MACROD2: variants seen among roughly 807,000 people sequenced by gnomAD.
MACROD2 encodes the protein ADP-ribose glycohydrolase MACROD2.
A neutral mutation model predicts 70.4 loss-of-function variants in MACROD2; 36 were observed. The ratio of observed to expected loss-of-function variants is 0.51; its 90% CI spans 0.39 to 0.68. The LOEUF (loss-of-function observed/expected upper bound fraction) is 0.68. Ranked by LOEUF, MACROD2 falls within the 30% of genes least tolerant of loss-of-function variation. The pLI is 0.00. For missense variants in MACROD2, 496 were observed against 538.4 expected (o/e 0.92, Z 0.78); for synonymous variants, 172 against 178.8 (o/e 0.96, Z 0.30).
chr20:15,017,240 A>G (rs1037804031), intron 5 of MACROD2, among the ~76,000 whole-genome samples: 2 of 152,194 alleles, frequency 1.3e-5, no homozygotes, highest in African/African-American at 2.4e-5. Context: ...AAATTGGCCA[A>G]AACAAAGGGG....
At chr20:14,154,303 C>G (rs2055063007) in intron 3 of MACROD2, among the ~76,000 whole-genome samples, 1 of 151,848 alleles carries the variant, frequency 6.6e-6, no homozygotes, top group Non-Finnish European at 1.5e-5. Flanking sequence ...AGGAGAATAC[C>G]AGCAACAAAG....
chr20:14,434,786 T>C (rs959488579), intron 3 of MACROD2, among the ~76,000 whole-genome samples: 1 of 152,174 alleles, frequency 6.6e-6, no homozygotes, highest in Non-Finnish European at 1.5e-5. Context: ...CCAATACTAG[T>C]TATCTTTAAT....
Position 15,943,157 on chromosome 20 carries a change from C to T in MACROD2, c.907+5613C>T, listed in dbSNP as rs149049957. ...CAAAGTGAACAAAAGAGAAAGACTA[C>T]ATACAAGGAAGAGAATTCAGGAGTG... On this transcript the variant is annotated intron_variant, in intron 12 of 17. Coordinates refer to ENST00000684519, the MANE Select transcript of MACROD2 (RefSeq NM_001351661.2). Among the ~76,000 whole-genome samples, 1,153 of 152,276 alleles carry T rather than the reference C, an allele frequency of 7.6e-3. 10 individuals carry two copies. Among genetic ancestry groups the T allele is most frequent in the Middle Eastern group, 0.02 (6 of 294 alleles).
chr20:14,468,707 T>G (rs35760794), intron 3 of MACROD2, among the ~76,000 whole-genome samples: 1 of 151,940 alleles, frequency 6.6e-6, no homozygotes, highest in African/African-American at 2.4e-5. Flanking sequence ...AGTTGGGGTT[T>G]TATCATGTTG....
At chr20:15,553,216 G>A (rs2048121942) in intron 8 of MACROD2, among the ~76,000 whole-genome samples, 2 of 152,086 alleles carry the variant, frequency 1.3e-5, no homozygotes, top group Admixed American at 6.5e-5. Context: ...GAACACACGA[G>A]TCGACAAAAT....
intron 4 of MACROD2, among the ~76,000 whole-genome samples, chr20:14,661,408 T>A (rs1249438156): frequency 5.9e-5 from 9 of 151,738 alleles, no homozygotes; most frequent in Admixed American, 5.9e-4. Flanking sequence ...ATTTGTTTTT[T>A]TCTTATTGAG....
At chr20:14,054,966 A>G (rs2053615244) in intron 2 of MACROD2, among the ~76,000 whole-genome samples, 1 of 152,236 alleles carries the variant, frequency 6.6e-6, no homozygotes, top group African/African-American at 2.4e-5. Context: ...AAATAGTTCT[A>G]TATGGGTTAA....
intron 6 of MACROD2, among the ~76,000 whole-genome samples, chr20:15,264,439 G>A (rs6135376): frequency 0.15 from 22,339 of 152,120 alleles, 1,914 homozygotes; most frequent in Non-Finnish European, 0.2. Flanking sequence ...AGGAGAAAAA[G>A]CATACACATT....
intron 6 of MACROD2, among the ~76,000 whole-genome samples, chr20:15,312,066 C>T (rs2077759132): frequency 6.6e-6 from 1 of 152,030 alleles, no homozygotes; most frequent in Non-Finnish European, 1.5e-5. Context: ...AAAGTGACTA[C>T]ATATAAATGA....
At position 14,464,212 on chromosome 20, in the gene MACROD2, G is replaced by T. The variant is rs866556322; in HGVS notation, c.272-29267G>T. On this transcript the variant is annotated intron_variant, in intron 3 of 17. Transcript: ENST00000684519. ...TATTAATTATTGCCTCAATTTCAGA[G>T]CCTGTTATTGGTCTATTCAGAGATT... is the stretch of plus-strand genomic sequence containing the variant. Among the ~76,000 whole-genome samples the T allele has an allele frequency of 8.1e-3, 1,230 of 151,986 alleles. 19 individuals carry two copies. Among genetic ancestry groups the T allele is most frequent in the African/African-American group, 0.028 (1,177 of 41,430 alleles).
intron 3 of MACROD2, among the ~76,000 whole-genome samples, chr20:14,102,043 A>C (rs1362311452): frequency 3.4e-5 from 4 of 117,052 alleles, no homozygotes; most frequent in Non-Finnish European, 6.4e-5. Context: ...TCACTCTGTC[A>C]CTCAGGCTGG....
intron 15 of MACROD2, among the ~76,000 whole-genome samples, chr20:16,004,471 A>C (rs1328518734): frequency 1.3e-5 from 2 of 152,236 alleles, no homozygotes; most frequent in Admixed American, 1.3e-4. Flanking sequence ...TGCCAGGGCC[A>C]CGACTACTCC....
At chr20:14,459,832 C>T (rs532137106) in intron 3 of MACROD2, among the ~76,000 whole-genome samples, 30 of 152,008 alleles carry the variant, frequency 2.0e-4, no homozygotes, top group Non-Finnish European at 3.4e-4. Context: ...CCCATCAACC[C>T]GTCATCTACA....
chr20:14,555,727 T>A (rs2123276523), intron 4 of MACROD2, among the ~76,000 whole-genome samples: 1 of 152,158 alleles, frequency 6.6e-6, no homozygotes, highest in Non-Finnish European at 1.5e-5. Flanking sequence ...GCATGGACAC[T>A]TTCTGTTAGG....
At chr20:15,979,254 A>C (rs1601257872) in intron 13 of MACROD2, among the ~76,000 whole-genome samples, 3 of 152,214 alleles carry the variant, frequency 2.0e-5, no homozygotes, top group Admixed American at 2.0e-4. Context: ...TGTGTTCCAC[A>C]TGCTTTCCAT....
intron 8 of MACROD2, among the ~76,000 whole-genome samples, chr20:15,726,440 T>C (rs962951897): frequency 1.3e-5 from 2 of 152,140 alleles, no homozygotes; most frequent in South Asian, 4.1e-4. Flanking sequence ...TTACTTTGGG[T>C]AACAGAATAA....
intron 3 of MACROD2, among the ~76,000 whole-genome samples, chr20:14,475,586 C>T (rs1441547823): frequency 3.3e-5 from 5 of 151,382 alleles, no homozygotes; most frequent in Non-Finnish European, 5.9e-5. Context: ...TTTTTAAGAA[C>T]AGGTCTGATA....
intron 3 of MACROD2, among the ~76,000 whole-genome samples, chr20:14,120,249 T>C (rs1174595430): frequency 2.0e-5 from 3 of 148,032 alleles, no homozygotes; most frequent in Admixed American, 1.3e-4. Context: ...AAGACATTTA[T>C]GTGGCCAAAA....
intron 3 of MACROD2, among the ~76,000 whole-genome samples, chr20:14,395,055 A>G (rs1207765646): frequency 6.6e-6 from 1 of 152,088 alleles, no homozygotes; most frequent in East Asian, 1.9e-4. Flanking sequence ...CTTTTTTTAA[A>G]TGTCTTTTCT....
Sources: allele counts gnomAD v4.1 joint callset (sites outside exome capture counted in the v4.1 genomes callset), GRCh38; gene constraint gnomAD v4.1.1; transcripts MANE v1.5; gene names NCBI Gene and HGNC (gene_info 2026-07-23, HGNC 2026-07-21).